PSMA1: variants seen among roughly 807,000 people sequenced by gnomAD.
PSMA1 encodes proteasome subunit alpha type-1.
PSMA1 carries 3 observed loss-of-function variants against 38.4 expected under a neutral mutation model. That is an observed-to-expected ratio of 0.08 (90% CI 0.04 to 0.20). The LOEUF is 0.20. Among genes scored for constraint, PSMA1 ranks in the 10% least tolerant of loss-of-function variants. PSMA1 has a pLI of 1.00. For synonymous variants in PSMA1, 101 were observed against 107.1 expected (o/e 0.94, Z 0.35); for missense variants, 227 against 325.3 (o/e 0.70, Z 2.32).
At chr11:14,558,856 C>G (rs905050026) in intron 2 of PSMA1, among the ~76,000 whole-genome samples, 3 of 152,146 alleles carry the variant, frequency 2.0e-5, no homozygotes, top group African/African-American at 4.8e-5. Flanking sequence ...CATTACTACA[C>G]GAAATATAGT....
At chr11:14,524,641 T>A (rs1168817128), upstream of PSMA1, among the ~76,000 whole-genome samples, 1 of 152,174 alleles carries the variant, frequency 6.6e-6, no homozygotes, top group East Asian at 1.9e-4. Flanking sequence ...TAAACAGCCA[T>A]GTTGCTCACA....
At chr11:14,579,349 C>T (rs1157550697) in intron 2 of PSMA1, among the ~76,000 whole-genome samples, 1 of 151,866 alleles carries the variant, frequency 6.6e-6, no homozygotes, top group Admixed American at 6.6e-5. Flanking sequence ...CGATCTCTAC[C>T]TTCATCTTCA....
intron 2 of PSMA1, among the ~76,000 whole-genome samples, chr11:14,598,775 C>T (rs868243926): frequency 4.6e-5 from 7 of 151,322 alleles, no homozygotes; most frequent in African/African-American, 1.7e-4. Context: ...TGAATTTCAT[C>T]CTGTCATTAT....
chr11:14,600,456 G>A (rs1008142780), intron 2 of PSMA1, among the ~76,000 whole-genome samples: 4 of 152,176 alleles, frequency 2.6e-5, no homozygotes, highest in Admixed American at 1.3e-4. Context: ...AATGGTGGAT[G>A]CCCCTCCCCG....
chr11:14,508,929 A>G (rs1257393859), intron 8 of PSMA1, among the ~76,000 whole-genome samples: 3 of 17,582 alleles, frequency 1.7e-4, no homozygotes, highest in Non-Finnish European at 3.1e-4. Flanking sequence ...GCCAACACCT[A>G]ACTCATCTCC....
Position 14,564,442 on chromosome 11 carries a change from C to T in PSMA1, c.22-45401G>A, listed in dbSNP as rs114350462. Among the ~76,000 whole-genome samples the T allele has an allele frequency of 1.4e-3, 214 of 152,224 alleles. 1 individual carries two copies. Among genetic ancestry groups the T allele is most frequent in the African/African-American group, 4.7e-3 (194 of 41,522 alleles). On this transcript the variant is annotated intron_variant, in intron 2 of 10. Transcript: ENST00000418988. ...GTACTCAATTTTTAAACTATTCACT[C>T]ATTGAAGTATATCTGGATTGCTTCC... is the stretch of plus-strand genomic sequence containing the variant.
At chr11:14,621,090 TGA>T (rs1369421977) in intron 1 of PSMA1, among the ~76,000 whole-genome samples, 1 of 152,200 alleles carries the variant, frequency 6.6e-6, no homozygotes, top group Non-Finnish European at 1.5e-5. Context: ...ATGAAAACTG[TGA>T]GTGTACTTTT....
intron 2 of PSMA1, among the ~76,000 whole-genome samples, chr11:14,537,191 A>C (rs1276172983): frequency 1.3e-5 from 2 of 152,224 alleles, no homozygotes; most frequent in Admixed American, 6.5e-5. Flanking sequence ...CTAGAATTTC[A>C]GTGGCAAACT....
At chr11:14,520,595 C>A (rs1451239468), upstream of PSMA1, 1 of 821,636 alleles carries the variant, frequency 1.2e-6, no homozygotes, top group African/African-American at 1.7e-5. Flanking sequence ...TGTCACGTAG[C>A]CCTTCTAGGT....
intron 1 of PSMA1, among the ~76,000 whole-genome samples, chr11:14,621,212 G>C (rs1431163122): frequency 6.6e-6 from 1 of 151,820 alleles, no homozygotes; most frequent in African/African-American, 2.4e-5. Context: ...ATCATGTTTT[G>C]CTTTATTAGT....
chr11:14,575,905 C>A (rs1226953530), intron 2 of PSMA1, among the ~76,000 whole-genome samples: 5 of 152,140 alleles, frequency 3.3e-5, no homozygotes, highest in South Asian at 4.1e-4. Context: ...ATTTCTCCAC[C>A]TCCTCTCCAG....
At chr11:14,533,992 C>T (rs1014494748) in intron 2 of PSMA1, among the ~76,000 whole-genome samples, 1 of 151,908 alleles carries the variant, frequency 6.6e-6, no homozygotes, top group Non-Finnish European at 1.5e-5. Flanking sequence ...ACCAGCCTGA[C>T]CAAAATAGTG....
chr11:14,575,661 G>T (rs1206916604), intron 2 of PSMA1, among the ~76,000 whole-genome samples: 1 of 152,104 alleles, frequency 6.6e-6, no homozygotes, highest in Non-Finnish European at 1.5e-5. Flanking sequence ...GTCTATCATT[G>T]TTGGACATTT....
At position 14,638,446 on chromosome 11, in the gene PSMA1, T is replaced by C. The variant is rs1853137719; in HGVS notation, c.-166+5009A>G. 2.0e-5 allele frequency among the ~76,000 whole-genome samples: 3 copies of C among 148,146 alleles called. No individual in the cohort carries two copies. The South Asian group carries it at 6.5e-4, about 32-fold the overall frequency. ...ATGCTAATGAACTAGATGAATCCTT[T>C]TGAGCTCCTCTTGCAAAACTGCATG... On this transcript the variant is annotated intron_variant, in intron 1 of 10. Transcript: ENST00000418988.
At chr11:14,514,549 T>A in intron 4 of PSMA1, 58 bp from the exon 5 acceptor site, 1 of 1,260,844 alleles carries the variant, frequency 7.9e-7, no homozygotes, top group Non-Finnish European at 1.1e-6. Flanking sequence ...TATTCCAATC[T>A]AAATTGTTTG....
intron 2 of PSMA1, among the ~76,000 whole-genome samples, chr11:14,557,832 T>C (rs890369751): frequency 1.1e-4 from 17 of 152,082 alleles, no homozygotes; most frequent in African/African-American, 4.1e-4. Flanking sequence ...ATCTAAACGG[T>C]CATTATAAAG....
At chr11:14,542,857 T>C (rs1851787734) in intron 2 of PSMA1, among the ~76,000 whole-genome samples, 2 of 152,180 alleles carry the variant, frequency 1.3e-5, no homozygotes, top group Admixed American at 1.3e-4. Context: ...TCAGAATGAT[T>C]TTTTTCTTTC....
chr11:14,589,383 G>GTA (rs1554971455), intron 2 of PSMA1, among the ~76,000 whole-genome samples: 15 of 149,990 alleles, frequency 1.0e-4, no homozygotes, highest in East Asian at 7.8e-4. Context: ...GTGTGTGTGT[G>GTA]TATATATATG....
At chr11:14,513,964 A>G (rs1249602347) in intron 5 of PSMA1, 77 bp from the exon 6 acceptor site, 4 of 1,455,976 alleles carry the variant, frequency 2.7e-6, no homozygotes, top group Non-Finnish European at 3.6e-6. Flanking sequence ...TTATTAACAA[A>G]GGTCTCTGGC....
Sources: gnomAD v4.1 joint callset for allele counts (sites outside exome capture counted in the v4.1 genomes callset) on GRCh38, gnomAD v4.1.1 for gene constraint, MANE v1.5 for transcripts, NCBI Gene and HGNC (gene_info 2026-07-23, HGNC 2026-07-21) for gene names.